ARB2A: variants seen among roughly 807,000 people sequenced by gnomAD.
ARB2A encodes ARB2 cotranscriptional regulator A.
At chr5:94,042,297 G>C in the ARB2A span, among the ~76,000 whole-genome samples, 3 of 139,438 alleles carry the variant, frequency 2.2e-5, no homozygotes, top group East Asian at 6.3e-4. Context: ...CTGATCTGCT[G>C]TTTAACAAAA....
At chr5:94,106,857 G>A in the ARB2A span, among the ~76,000 whole-genome samples, 1 of 92,550 alleles carries the variant, frequency 1.1e-5, no homozygotes, top group South Asian at 3.8e-4. Flanking sequence ...ATTATCCTAT[G>A]TGAATCAATG....
the ARB2A span, among the ~76,000 whole-genome samples, chr5:93,859,208 A>G: frequency 3.9e-5 from 6 of 152,212 alleles, no homozygotes; most frequent in Non-Finnish European, 7.4e-5. Flanking sequence ...AAAAAAATTA[A>G]TGATGCCTAT....
the ARB2A span, among the ~76,000 whole-genome samples, chr5:93,941,461 A>T: frequency 1.3e-5 from 2 of 152,158 alleles, no homozygotes; most frequent in Admixed American, 6.6e-5. Flanking sequence ...ATTAAACAAG[A>T]TTTTTATGTT....
the ARB2A span, among the ~76,000 whole-genome samples, chr5:93,996,256 C>T: frequency 6.6e-6 from 1 of 152,004 alleles, no homozygotes; most frequent in Non-Finnish European, 1.5e-5. Context: ...TCCATATATA[C>T]ACTAAGGCAT....
At chr5:94,081,820 A>C in the ARB2A span, among the ~76,000 whole-genome samples, 5 of 152,226 alleles carry the variant, frequency 3.3e-5, no homozygotes, top group Admixed American at 6.5e-5. Context: ...TTCTCTCTCC[A>C]ACTCTTTTCT....
At chr5:93,981,069 AT>A in the ARB2A span, among the ~76,000 whole-genome samples, 36 of 144,218 alleles carry the variant, frequency 2.5e-4, no homozygotes, top group Non-Finnish European at 3.0e-4. Flanking sequence ...GTATTTCTTA[AT>A]TTTTTTTTTT....
At chr5:93,866,931 T>C in the ARB2A span, among the ~76,000 whole-genome samples, 2 of 152,180 alleles carry the variant, frequency 1.3e-5, no homozygotes, top group Admixed American at 6.5e-5. Flanking sequence ...ACATATTCTT[T>C]ATATAAAACA....
chr5:93,948,851 G>A, the ARB2A span, among the ~76,000 whole-genome samples: 2 of 152,184 alleles, frequency 1.3e-5, no homozygotes, highest in Non-Finnish European at 2.9e-5. Flanking sequence ...TGGCATTACA[G>A]GCACTAGCCA....
the ARB2A span, among the ~76,000 whole-genome samples, chr5:93,718,662 T>C: frequency 1.3e-5 from 2 of 152,310 alleles, no homozygotes; most frequent in East Asian, 3.9e-4. Context: ...GAAAGACTTA[T>C]CACTTCTGAA....
At chr5:93,716,467 A>T in the ARB2A span, among the ~76,000 whole-genome samples, 1 of 152,068 alleles carries the variant, frequency 6.6e-6, no homozygotes, top group African/African-American at 2.4e-5. Context: ...ACATCCTACA[A>T]ATGAGTGATC....
chr5:93,958,736 T>A, the ARB2A span: 1 of 1,410,068 alleles, frequency 7.1e-7, no homozygotes, highest in South Asian at 1.7e-5. Context: ...AAAACAGTAC[T>A]ATAAAATGCC....
At chr5:93,965,442 G>T in the ARB2A span, among the ~76,000 whole-genome samples, 1 of 151,912 alleles carries the variant, frequency 6.6e-6, no homozygotes, top group East Asian at 1.9e-4. Context: ...TTTTAGCCCA[G>T]TGAAACTCAT....
chr5:93,887,477 C>T, the ARB2A span, among the ~76,000 whole-genome samples: 13 of 151,626 alleles, frequency 8.6e-5, no homozygotes, highest in Admixed American at 6.6e-4. Flanking sequence ...TTAGAAAATA[C>T]GTGTTCGGCA....
chr5:93,767,054 G>T, the ARB2A span, among the ~76,000 whole-genome samples: 1 of 139,672 alleles, frequency 7.2e-6, no homozygotes, highest in Non-Finnish European at 1.6e-5. Context: ...TGGGGGGAGG[G>T]GGGAGGGATA....
the ARB2A span, among the ~76,000 whole-genome samples, chr5:94,084,213 G>T: frequency 1.4e-5 from 2 of 147,232 alleles, no homozygotes; most frequent in African/African-American, 5.0e-5. Flanking sequence ...GGCAGAGGTC[G>T]CAGGGAGCAC....
At chr5:93,837,707 C>T in the ARB2A span, among the ~76,000 whole-genome samples, 2 of 152,260 alleles carry the variant, frequency 1.3e-5, no homozygotes, top group Non-Finnish European at 1.5e-5. Flanking sequence ...GCCATTCTGG[C>T]TGCTGTGAGA....
chr5:93,962,652 T>G, the ARB2A span, among the ~76,000 whole-genome samples: 2 of 152,126 alleles, frequency 1.3e-5, no homozygotes, highest in Non-Finnish European at 1.5e-5. Context: ...GGGAGAAAGC[T>G]AATAGCTATT....
chr5:93,799,589 T>C, the ARB2A span, among the ~76,000 whole-genome samples: 4 of 152,152 alleles, frequency 2.6e-5, no homozygotes, highest in Non-Finnish European at 4.4e-5. Context: ...ATTAACTTTT[T>C]ATAGCCAAAA....
At chr5:93,826,941 C>A in the ARB2A span, among the ~76,000 whole-genome samples, 1 of 151,954 alleles carries the variant, frequency 6.6e-6, no homozygotes, top group Non-Finnish European at 1.5e-5. Context: ...TTTTTTATGG[C>A]TGCATAGTAT....
Sources: allele counts gnomAD v4.1 joint callset (sites outside exome capture counted in the v4.1 genomes callset), GRCh38; gene constraint gnomAD v4.1.1; transcripts MANE v1.5; gene names NCBI Gene and HGNC (gene_info 2026-07-23, HGNC 2026-07-21).